Variants in LRRC4C observed in about 807,000 individuals in gnomAD.
The protein encoded by LRRC4C is leucine rich repeat containing 4C, also known as leucine-rich repeat-containing protein 4C.
Under a neutral mutation model 33.6 loss-of-function variants are expected in LRRC4C, and 5 were observed. The observed-to-expected ratio is 0.15, with a 90% CI of 0.08 to 0.31. The LOEUF (loss-of-function observed/expected upper bound fraction) is 0.31. Ranked by LOEUF, LRRC4C falls within the 10% of genes least tolerant of loss-of-function variation. The pLI is 1.00. For missense variants in LRRC4C, 560 were observed against 796.7 expected (o/e 0.70, Z 3.58); for synonymous variants, 329 against 302.0 (o/e 1.09, Z -0.93).
intron 1 of LRRC4C, among the ~76,000 whole-genome samples, chr11:40,982,825 C>T (rs1852637884): frequency 6.6e-6 from 1 of 152,116 alleles, no homozygotes; most frequent in African/African-American, 2.4e-5. Context: ...CCTCCTCCTA[C>T]CCTCTGCCCT....
intron 1 of LRRC4C, among the ~76,000 whole-genome samples, chr11:41,233,744 TTC>T (rs2136482960): frequency 6.6e-6 from 1 of 152,170 alleles, no homozygotes; most frequent in East Asian, 1.9e-4. Flanking sequence ...TAGAAAAGCT[TTC>T]TTTTATTCAT....
At chr11:40,460,641 T>G (rs1952349265) in intron 3 of LRRC4C, among the ~76,000 whole-genome samples, 1 of 152,212 alleles carries the variant, frequency 6.6e-6, no homozygotes, top group Admixed American at 6.5e-5. Flanking sequence ...TGACATTTAG[T>G]TCACCACAAT....
chr11:40,754,084 T>G (rs2137012987), intron 2 of LRRC4C, among the ~76,000 whole-genome samples: 1 of 152,176 alleles, frequency 6.6e-6, no homozygotes, highest in East Asian at 1.9e-4. Context: ...TCAGTTGATT[T>G]TCTTTGGGTT....
intron 1 of LRRC4C, among the ~76,000 whole-genome samples, chr11:41,253,230 G>A (rs1948698560): frequency 6.6e-6 from 1 of 151,844 alleles, no homozygotes; most frequent in South Asian, 2.1e-4. Flanking sequence ...TTACTGGATG[G>A]GTCTGTACAT....
intron 1 of LRRC4C, among the ~76,000 whole-genome samples, chr11:40,966,702 G>A (rs569999189): frequency 6.6e-6 from 1 of 151,874 alleles, no homozygotes; most frequent in Admixed American, 6.6e-5. Context: ...TCCTTTCCTT[G>A]ATTTTTCTCT....
chr11:40,956,370 C>T (rs1958955162), intron 1 of LRRC4C, among the ~76,000 whole-genome samples: 1 of 151,628 alleles, frequency 6.6e-6, no homozygotes, highest in African/African-American at 2.4e-5. Context: ...GTGAGCATTG[C>T]AATTTGCTGG....
chr11:41,079,669 G>C (rs1939419236), intron 1 of LRRC4C, among the ~76,000 whole-genome samples: 1 of 152,204 alleles, frequency 6.6e-6, no homozygotes, highest in Non-Finnish European at 1.5e-5. Context: ...TGAAAGCTTA[G>C]AACAAAGCTT....
intron 1 of LRRC4C, among the ~76,000 whole-genome samples, chr11:41,086,476 A>AT (rs1388825327): frequency 7.9e-5 from 12 of 152,138 alleles, no homozygotes; most frequent in Admixed American, 3.3e-4. Flanking sequence ...TAGAACTTTA[A>AT]TTTTTAAATA....
At chr11:40,707,829 C>A (rs994364172) in intron 2 of LRRC4C, among the ~76,000 whole-genome samples, 1 of 152,152 alleles carries the variant, frequency 6.6e-6, no homozygotes, top group Non-Finnish European at 1.5e-5. Context: ...GGCTGTGAAT[C>A]CATCTGGTCC....
chr11:41,073,938 A>G (rs1048213757), intron 1 of LRRC4C, among the ~76,000 whole-genome samples: 1 of 152,190 alleles, frequency 6.6e-6, no homozygotes, highest in Non-Finnish European at 1.5e-5. Context: ...AATGAGATCC[A>G]TGATATCTTG....
intron 3 of LRRC4C, among the ~76,000 whole-genome samples, chr11:40,375,662 G>A (rs1948630119): frequency 6.6e-6 from 1 of 152,120 alleles, no homozygotes; most frequent in East Asian, 1.9e-4. Flanking sequence ...ACTGCACAAT[G>A]ATTATGTAAA....
intron 1 of LRRC4C, among the ~76,000 whole-genome samples, chr11:41,333,743 T>G (rs1951366696): frequency 6.6e-6 from 1 of 152,224 alleles, no homozygotes; most frequent in Non-Finnish European, 1.5e-5. Flanking sequence ...CTATTTTACA[T>G]GTTTTATTTT....
At chr11:41,419,218 G>T (rs1048481325) in intron 1 of LRRC4C, among the ~76,000 whole-genome samples, 7 of 151,922 alleles carry the variant, frequency 4.6e-5, no homozygotes, top group African/African-American at 1.7e-4. Context: ...CCTTCTAAGG[G>T]ACACTGACCC....
intron 3 of LRRC4C, among the ~76,000 whole-genome samples, chr11:40,522,291 A>G (rs1955850535): frequency 6.6e-6 from 1 of 152,198 alleles, no homozygotes; most frequent in Non-Finnish European, 1.5e-5. Context: ...CCACCTCCCA[A>G]AGTGCTGGAA....
At chr11:40,800,546 T>A (rs545512863) in intron 2 of LRRC4C, among the ~76,000 whole-genome samples, 1 of 152,344 alleles carries the variant, frequency 6.6e-6, no homozygotes, top group African/African-American at 2.4e-5. Context: ...GTTACCATCG[T>A]CTTGTATATA....
At chr11:40,143,396 C>T (rs1857508919) in intron 5 of LRRC4C, among the ~76,000 whole-genome samples, 1 of 152,024 alleles carries the variant, frequency 6.6e-6, no homozygotes, top group South Asian at 2.1e-4. Context: ...TTTCCTGCAT[C>T]TCTCCCGCTT....
chr11:41,055,496 G>A (rs1858552835), intron 1 of LRRC4C, among the ~76,000 whole-genome samples: 1 of 151,976 alleles, frequency 6.6e-6, no homozygotes, highest in Non-Finnish European at 1.5e-5. Context: ...ACCAACTCAT[G>A]GAATAATCAA....
At chr11:40,890,712 G>A (rs12418241) in intron 2 of LRRC4C, among the ~76,000 whole-genome samples, 2 of 151,948 alleles carry the variant, frequency 1.3e-5, no homozygotes, top group African/African-American at 4.8e-5. Context: ...TACCAAGCTC[G>A]TTAAGTAGCA....
chr11:40,943,269 T>C (rs1295913801), intron 1 of LRRC4C, among the ~76,000 whole-genome samples: 2 of 152,144 alleles, frequency 1.3e-5, no homozygotes, highest in Admixed American at 6.6e-5. Context: ...GGCAGGTTAT[T>C]TCCCCTCACA....
Sources: gnomAD v4.1 joint callset for allele counts (sites outside exome capture counted in the v4.1 genomes callset) on GRCh38, gnomAD v4.1.1 for gene constraint, MANE v1.5 for transcripts, NCBI Gene and HGNC (gene_info 2026-07-23, HGNC 2026-07-21) for gene names.